Variants in LRRC37A observed in about 807,000 individuals in gnomAD.
LRRC37A encodes leucine-rich repeat-containing protein 37A.
Under a neutral mutation model 35.4 loss-of-function variants are expected in LRRC37A, and 3 were observed. The observed-to-expected ratio is 0.08, with a 90% confidence interval of 0.04 to 0.22. The LOEUF is 0.22. Ranked by LOEUF, LRRC37A falls within the 10% of genes least tolerant of loss-of-function variation. The pLI is 1.00. For synonymous variants in LRRC37A, 23 were observed against 215.0 expected (o/e 0.11, Z 7.81); for missense variants, 67 against 565.3 (o/e 0.12, Z 8.94).
the LRRC37A span, among the ~76,000 whole-genome samples, chr17:46,280,535 G>GA: frequency 2.1e-5 from 3 of 142,062 alleles, no homozygotes; most frequent in Admixed American, 7.2e-5. Context: ...TTATTAAAAA[G>GA]AAAAAAATTT....
At chr17:46,260,579 A>G in the LRRC37A span, 1 of 1,533,582 alleles carries the variant, frequency 6.5e-7, no homozygotes, top group Non-Finnish European at 8.9e-7. Flanking sequence ...CTCTCACACC[A>G]CAGCTCACAA....
At chr17:46,260,976 G>GT in the LRRC37A span, among the ~76,000 whole-genome samples, 21 of 152,248 alleles carry the variant, frequency 1.4e-4, no homozygotes, top group African/African-American at 5.1e-4. Context: ...ACCAAACATC[G>GT]TACGTTCTCA....
the LRRC37A span, among the ~76,000 whole-genome samples, chr17:46,270,221 G>A: frequency 1.3e-5 from 2 of 152,204 alleles, no homozygotes; most frequent in Admixed American, 6.5e-5. Flanking sequence ...GTGTCCTGAC[G>A]CTGTCCATGG....
At chr17:46,268,766 A>G in the LRRC37A span, 6 of 1,115,392 alleles carry the variant, frequency 5.4e-6, no homozygotes, top group Non-Finnish European at 3.6e-6. Flanking sequence ...TCTTCATGTA[A>G]TGGGTCCTCC....
chr17:46,277,637 T>TC, the LRRC37A span, among the ~76,000 whole-genome samples: 10 of 150,246 alleles, frequency 6.7e-5, no homozygotes, highest in Non-Finnish European at 1.5e-4. Flanking sequence ...TTTTCTTTTC[T>TC]TTTCTTTCTT....
chr17:46,271,332 A>ATTTTTTTTTTTTTTTTTTT, the LRRC37A span, among the ~76,000 whole-genome samples: 3 of 125,666 alleles, frequency 2.4e-5, no homozygotes, highest in Non-Finnish European at 1.6e-5. Flanking sequence ...TACCTAGCTA[A>ATTTTTTTTTTTTTTTTTTT]TTTTTTTTTT....
At chr17:46,270,332 C>T in the LRRC37A span, among the ~76,000 whole-genome samples, 1 of 152,214 alleles carries the variant, frequency 6.6e-6, no homozygotes. Flanking sequence ...ATACCTGATA[C>T]TATTATTTGT....
exon 9 of LRRC37A, chr17:46,331,440 C>G (rs1409431404): frequency 4.6e-6 from 7 of 1,514,656 alleles, no homozygotes; most frequent in Non-Finnish European, 6.3e-6. Context: ...AAGAATAATA[C>G]AAAACACACA....
the LRRC37A span, among the ~76,000 whole-genome samples, chr17:46,285,963 G>C: frequency 6.6e-6 from 1 of 152,238 alleles, no homozygotes; most frequent in Non-Finnish European, 1.5e-5. Flanking sequence ...TGTGAGCACT[G>C]TCATGACATC....
chr17:46,291,121 TAGAG>T (rs1567857984), upstream of LRRC37A, among the ~76,000 whole-genome samples: 1 of 152,258 alleles, frequency 6.6e-6, no homozygotes, highest in African/African-American at 2.4e-5. Flanking sequence ...TCTCTATTTA[TAGAG>T]AGAGACTGAA....
At chr17:46,250,763 T>A in the LRRC37A span, among the ~76,000 whole-genome samples, 1 of 152,216 alleles carries the variant, frequency 6.6e-6, no homozygotes, top group Non-Finnish European at 1.5e-5. Context: ...GCTCAGTGAC[T>A]CACACCTGTA....
chr17:46,271,275 C>T, the LRRC37A span, among the ~76,000 whole-genome samples: 8 of 150,858 alleles, frequency 5.3e-5, no homozygotes, highest in Non-Finnish European at 1.2e-4. Flanking sequence ...AAGTGATTCT[C>T]CTGCTCTAGC....
the LRRC37A span, among the ~76,000 whole-genome samples, chr17:46,283,265 T>A: frequency 6.6e-6 from 1 of 152,260 alleles, no homozygotes; most frequent in Admixed American, 6.5e-5. Flanking sequence ...TAATAAAATA[T>A]ACACTGAGAC....
upstream of LRRC37A, among the ~76,000 whole-genome samples, chr17:46,290,337 G>C (rs569726410): frequency 6.6e-6 from 1 of 152,196 alleles, no homozygotes; most frequent in South Asian, 2.1e-4. Context: ...TGTTGCCCAG[G>C]CTGGTCTCAA....
chr17:46,258,707 CTTTT>C, the LRRC37A span, among the ~76,000 whole-genome samples: 19 of 81,124 alleles, frequency 2.3e-4, no homozygotes, highest in African/African-American at 5.9e-4. Flanking sequence ...GACTATTATT[CTTTT>C]TTTTTTTTTT....
chr17:46,257,820 CA>C, the LRRC37A span, among the ~76,000 whole-genome samples: 92,285 of 145,856 alleles, frequency 0.63, 29,215 homozygotes, highest in South Asian at 0.8. Flanking sequence ...AGGCCCATGT[CA>C]AAAAAAAAAA....
At chr17:46,264,833 A>G in the LRRC37A span, among the ~76,000 whole-genome samples, 2 of 152,110 alleles carry the variant, frequency 1.3e-5, no homozygotes, top group Non-Finnish European at 2.9e-5. Context: ...GGGCATTCAC[A>G]ACATTCCTGC....
At chr17:46,279,183 T>G in the LRRC37A span, among the ~76,000 whole-genome samples, 3 of 150,550 alleles carry the variant, frequency 2.0e-5, no homozygotes, top group East Asian at 5.8e-4. Context: ...TTCTTTTTTT[T>G]CTTTTTTTTT....
At chr17:46,250,708 A>G in the LRRC37A span, among the ~76,000 whole-genome samples, 1 of 152,168 alleles carries the variant, frequency 6.6e-6, no homozygotes. Context: ...AAACTCCTGT[A>G]TATATTCCAT....
Sources: gnomAD v4.1 joint callset for allele counts (sites outside exome capture counted in the v4.1 genomes callset) on GRCh38, gnomAD v4.1.1 for gene constraint, MANE v1.5 for transcripts, NCBI Gene and HGNC (gene_info 2026-07-23, HGNC 2026-07-21) for gene names.